Variants in ADAMTS13 observed in about 807,000 individuals in gnomAD.
ADAMTS13 encodes the protein A disintegrin and metalloproteinase with thrombospondin motifs 13.
Under a neutral mutation model 155.1 loss-of-function variants are expected in ADAMTS13, and 110 were observed. That is an observed-to-expected ratio of 0.71 (90% CI 0.61 to 0.83). The LOEUF is 0.83. Ranked by LOEUF, ADAMTS13 falls within the 40% of genes least tolerant of loss-of-function variation. The probability of loss-of-function intolerance (pLI) is 0.00; values close to 1 mark genes in which losing one functional copy is unlikely to be tolerated. For synonymous variants in ADAMTS13, 758 were observed against 756.4 expected (o/e 1.00, Z -0.03); for missense variants, 1,707 against 1,891.7 (o/e 0.90, Z 1.81).
At chr9:133,417,701 C>A (rs2130752152), upstream of ADAMTS13, 1 of 1,614,170 alleles carries the variant, frequency 6.2e-7, no homozygotes, top group East Asian at 2.2e-5. Context: ...CGCTTGCTGG[C>A]TTCTTGCTTA....
rs782061067 is a variant in ADAMTS13 at position 133,459,153 on chromosome 9, G to A, written c.4089G>A (p.Gln1363=). ...GGGTACCGGAGATGCAGGACCCTCAGTCCTGGAAGGGAAAGGAAGGAACCT... is the reference window on the plus strand; with the variant it reads ...GGGTACCGGAGATGCAGGACCCTCAATCCTGGAAGGGAAAGGAAGGAACCT... ...QSWVPEMQDP[Q]SWKGKEGT Residue 1363 remains glutamine, a synonymous_variant, in exon 29 of 29, where the codon CAG becomes CAA. Transcript: ENST00000355699. 117 of 1,612,124 alleles carry A rather than the reference G, an allele frequency of 7.3e-5. No individual in the cohort carries two copies. Among genetic ancestry groups the A allele is most frequent in the Admixed American group, 4.3e-4 (26 of 59,896 alleles).
intron 23 of ADAMTS13, among the ~76,000 whole-genome samples, chr9:133,450,744 C>T (rs996805471): frequency 3.9e-5 from 6 of 152,126 alleles, no homozygotes; most frequent in South Asian, 2.1e-4. Flanking sequence ...AGCGAGACTC[C>T]GTCTCAAAAA....
rs1840009840 is a variant in ADAMTS13, at chr9:133,422,405, TCTCA to T, written c.-35_-32del. On this transcript the variant is annotated 5_prime_UTR_variant, in exon 1 of 29. Coordinates refer to ENST00000355699, the MANE Select transcript of ADAMTS13 (RefSeq NM_139027.6). ...CAGATTCCCAGTCACCAAGGCCCCCTCTCACTCCGCTCCACTCCTCGGGCTGGCT... is the reference window on the plus strand; with the variant it reads ...CAGATTCCCAGTCACCAAGGCCCCCTCTCCGCTCCACTCCTCGGGCTGGCT... The T allele has an allele frequency of 6.3e-7, 1 of 1,588,636 alleles. No individual in the cohort carries two copies. Among genetic ancestry groups the T allele is most frequent in the South Asian group, 1.1e-5 (1 of 90,674 alleles).
At chr9:133,454,765 C>T (rs1378872278) in intron 24 of ADAMTS13, 146 bp downstream of exon 24, 2 of 1,071,908 alleles carry the variant, frequency 1.9e-6, no homozygotes, top group Non-Finnish European at 2.7e-6. Context: ...GAGGGGGCAC[C>T]TAGAGGCAGA....
Position 133,440,072 on chromosome 9 carries a change from A to G in ADAMTS13, c.1787-272A>G, listed in dbSNP as rs1196751641. Among the ~76,000 whole-genome samples, 2 of 152,168 alleles carry G rather than the reference A, an allele frequency of 1.3e-5. No individual in the cohort carries two copies. Among genetic ancestry groups the G allele is most frequent in the African/African-American group, 2.4e-5 (1 of 41,444 alleles). On this transcript the variant is annotated intron_variant, in intron 15 of 28. Transcript: ENST00000355699. The surrounding 1 kb of genome is among the most constrained non-coding windows in gnomAD (Gnocchi z 4.3). Reference sequence around the variant, plus strand: ...GTGGGTCTTTCTGGAGTGTGTCTGCACCTAACCTTTGAAGCCTTGGTTGCC... The same window carrying G: ...GTGGGTCTTTCTGGAGTGTGTCTGCGCCTAACCTTTGAAGCCTTGGTTGCC...
chr9:133,421,254 A>AG (rs1206696718), upstream of ADAMTS13, among the ~76,000 whole-genome samples: 2 of 152,226 alleles, frequency 1.3e-5, no homozygotes, highest in African/African-American at 2.4e-5. Context: ...TGACACAGCA[A>AG]GACTCTGTCT....
chr9:133,453,912 G>A (rs943252685), intron 23 of ADAMTS13, among the ~76,000 whole-genome samples: 1 of 152,166 alleles, frequency 6.6e-6, no homozygotes, highest in Admixed American at 6.5e-5. Flanking sequence ...GTATTGCGAT[G>A]AAGATCCCAG....
chr9:133,427,097 C>G (rs1400083172), intron 6 of ADAMTS13, among the ~76,000 whole-genome samples: 1 of 152,252 alleles, frequency 6.6e-6, no homozygotes, highest in Non-Finnish European at 1.5e-5. Context: ...GCCACTGCAT[C>G]CAGCCTTTCT....
Position 133,423,105 on chromosome 9 carries a change from G to T in ADAMTS13, c.110G>T (p.Cys37Phe). ...CCATCTCTTTTTGTCTTGCAGAGTT[G>T]TCTTCAGGCTTTGGAGCCACAGGCC... ...CWGPSHFQQS[C>F]LQALEPQAVS... Residue 37 changes from cysteine (C) to phenylalanine (F), a missense_variant, in exon 2 of 29, where the codon TGT becomes TTT. Cys to Phe is a radical substitution (Grantham distance 205, BLOSUM62 -2). This residue lies in a region of ADAMTS13 where 733 missense variants were observed against 749.6 expected (regional missense o/e 0.98). Coordinates refer to ENST00000355699, the MANE Select transcript of ADAMTS13 (RefSeq NM_139027.6). 6.2e-7 allele frequency: 1 copy of T among 1,613,744 alleles called. No individual in the cohort carries two copies.
chr9:133,431,333 T>C (rs1407037415), intron 8 of ADAMTS13, among the ~76,000 whole-genome samples: 1 of 151,342 alleles, frequency 6.6e-6, no homozygotes, highest in African/African-American at 2.4e-5. Flanking sequence ...TTTTTCATTT[T>C]TTTTTTTTTT....
intron 11 of ADAMTS13, among the ~76,000 whole-genome samples, chr9:133,434,617 T>C (rs994664345): frequency 1.3e-5 from 2 of 152,234 alleles, no homozygotes; most frequent in Non-Finnish European, 2.9e-5. Flanking sequence ...GTCTTTTATT[T>C]ATAAATTGAG....
intron 21 of ADAMTS13, among the ~76,000 whole-genome samples, chr9:133,447,296 CTTTTCTT>C (rs1842131744): frequency 6.6e-6 from 1 of 152,040 alleles, no homozygotes; most frequent in Non-Finnish European, 1.5e-5. Flanking sequence ...CTTTTTCTCT[CTTTTCTT>C]TTTTGAGACA....
rs587741782 is a variant in ADAMTS13 at position 133,438,453 on chromosome 9, A to T, written c.1705+87A>T. The T allele has an allele frequency of 7.5e-5, 118 of 1,574,224 alleles. No homozygotes were observed. The African/African-American group carries it at 1.5e-3, about 20-fold the overall frequency. The stretch of plus-strand genomic sequence containing the variant: ...CAGAGCGTTGGTGCAGGGGCTGCTC[A>T]GGTCACAGGGCCTGCACACTCACTC... On this transcript the variant is annotated intron_variant, in intron 14 of 28. Transcript: ENST00000355699.
upstream of ADAMTS13, chr9:133,418,047 G>T (rs1013278584): frequency 3.4e-6 from 2 of 584,038 alleles, no homozygotes; most frequent in South Asian, 2.1e-5. Flanking sequence ...GGAAGCGCTC[G>T]TCTCTCCACA....
In ADAMTS13 at chr9:133,455,421, C is replaced by G. The variant is rs1371218222; in HGVS notation, c.3386C>G (p.Pro1129Arg). Residue 1129 changes from proline (P) to arginine (R), a missense_variant, in exon 25 of 29, where the codon CCC (proline) becomes CGC (arginine). This residue lies in a region of ADAMTS13 where 961 missense variants were observed against 1,107.9 expected (regional missense o/e 0.87). Coordinates refer to ENST00000355699, the MANE Select transcript of ADAMTS13 (RefSeq NM_139027.6). ...PVTVRGCWAGPCVGQGACGRQ... is the reference protein window; with the variant it reads ...PVTVRGCWAGRCVGQGACGRQ... ...ACTGTGCGTGGCTGCTGGGCTGGGC[C>G]CTGTGTGGGACAGGGTACGCCCAGC... 6.2e-7 allele frequency: 1 copy of G among 1,612,486 alleles called. No individual in the cohort carries two copies. Among genetic ancestry groups the G allele is most frequent in the Non-Finnish European group, 8.5e-7 (1 of 1,179,896 alleles).
chr9:133,456,078 G>A lies in ADAMTS13; in HGVS notation c.3410G>A (p.Gly1137Asp), dbSNP rs1479241110. The A allele has an allele frequency of 6.2e-7, 1 of 1,613,154 alleles. No individual in the cohort carries two copies. The highest frequency in any genetic ancestry group is 2.2e-5 in the East Asian group (1 of 44,896). ...CCTGCTCCCTTTTCAGGTGCCTGTG[G>A]CAGGCAGCACCTTGAGCCAACAGGA... ...AGPCVGQGAC[G>D]RQHLEPTGTI... The change falls in exon 26 of 29, where the codon GGC (glycine) becomes GAC (aspartate). Residue 1137 changes from glycine to aspartate, a missense_variant. Gly to Asp is a moderately conservative substitution (Grantham distance 94, BLOSUM62 -1). Around this residue, in one of 3 missense-constraint regions of ADAMTS13, gnomAD observed 961 missense variants for 1,107.9 expected, o/e 0.87. Coordinates refer to ENST00000355699, the MANE Select transcript of ADAMTS13 (RefSeq NM_139027.6). The surrounding 1 kb of genome is among the most constrained non-coding windows in gnomAD (Gnocchi z 4.4).
In ADAMTS13 at chr9:133,425,933, C is replaced by T. The variant is rs200230025; in HGVS notation, c.415-5C>T. ...CTAAATGCAGGCTTTGCTGTGGGTCCGCAGGGTGCTCCAAATATCACAGCC... is the reference window on the plus strand; with the variant it reads ...CTAAATGCAGGCTTTGCTGTGGGTCTGCAGGGTGCTCCAAATATCACAGCC... On this transcript the variant is annotated splice_polypyrimidine_tract_variant and splice_region_variant and intron_variant, in intron 4 of 28. Transcript: ENST00000355699. This position sits in a 1 kb window ranked among gnomAD's most constrained non-coding sequence, Gnocchi z 4.6. The T allele has an allele frequency of 7.8e-5, 126 of 1,613,370 alleles. No individual in the cohort carries two copies. The African/African-American group carries it at 1.0e-3, about 13-fold the overall frequency.
In ADAMTS13 at chr9:133,445,838, C is replaced by T; in HGVS notation, c.2731+19C>T. ...GGGCGAGGTGAGGGCCCCCGGGATGCTCCTGGGGACCAGCACTCATGGTAA... is the reference window on the plus strand; with the variant it reads ...GGGCGAGGTGAGGGCCCCCGGGATGTTCCTGGGGACCAGCACTCATGGTAA... On this transcript the variant is annotated intron_variant, in intron 21 of 28. Coordinates refer to ENST00000355699, the MANE Select transcript of ADAMTS13 (RefSeq NM_139027.6). The surrounding 1 kb of genome is among the most constrained non-coding windows in gnomAD (Gnocchi z 5.0). 6.4e-7 allele frequency: 1 copy of T among 1,558,744 alleles called. No homozygotes were observed. The highest frequency in any genetic ancestry group is 2.3e-5 in the East Asian group (1 of 44,040).
intron 18 of ADAMTS13, 97 bp from the exon 19 acceptor site, chr9:133,443,279 G>T: frequency 6.8e-7 from 1 of 1,461,276 alleles, no homozygotes; most frequent in Non-Finnish European, 9.3e-7. Flanking sequence ...CCCATTGCTT[G>T]TCCCAGACCG....
Sources: allele counts gnomAD v4.1 joint callset (sites outside exome capture counted in the v4.1 genomes callset), GRCh38; gene constraint gnomAD v4.1.1; regional missense constraint gnomAD v4.1.1; non-coding constraint Gnocchi (gnomAD v3.1); transcripts MANE v1.5; gene names NCBI Gene and HGNC (gene_info 2026-07-23, HGNC 2026-07-21).